The following ATG2A variants were observed in gnomAD, a reference collection of about 807,000 sequenced individuals.
ATG2A encodes autophagy-related protein 2 homolog A.
In ATG2A, 103 loss-of-function variants were observed where a neutral mutation model predicts 214.2. The observed-to-expected ratio is 0.48, with a 90% CI of 0.41 to 0.57. The LOEUF (loss-of-function observed/expected upper bound fraction) is 0.57. ATG2A is among the 20% of genes least tolerant of loss of function. The pLI, the probability that ATG2A is intolerant of heterozygous loss-of-function variation, is 0.00. For synonymous variants in ATG2A, 1,160 were observed against 1,142.1 expected (o/e 1.02, Z -0.32); for missense variants, 2,312 against 2,613.2 (o/e 0.88, Z 2.51).
At position 64,914,549 on chromosome 11, in the gene ATG2A, A is replaced by G; in HGVS notation, c.172-49T>C. The G allele has an allele frequency of 1.9e-6, 3 of 1,586,754 alleles. No homozygotes were observed. In the South Asian group the frequency reaches 3.4e-5, roughly 18 times the overall value. On this transcript the variant is annotated intron_variant, in intron 1 of 40. Transcript: ENST00000377264. ...CCAGCTCAGGGAAACCCCAAATCCC[A>G]CAGGCTGGCACAGCCTTATCTGGCC...
At chr11:64,907,915 C>T in intron 16 of ATG2A, 25 bp from the exon 17 acceptor site, 2 of 1,603,768 alleles carry the variant, frequency 1.2e-6, no homozygotes, top group South Asian at 1.1e-5. Context: ...GTGGAAAGAG[C>T]AGGAGAGTCA....
chr11:64,909,132 G>A lies in ATG2A; in HGVS notation c.2223C>T (p.Asn741=), dbSNP rs768244281. 15 of 1,610,736 alleles carry A rather than the reference G, an allele frequency of 9.3e-6. No individual in the cohort carries two copies. In the East Asian group the frequency reaches 2.9e-4, roughly 31 times the overall value. ...CCCACTGTGTGCTGCTGGACTGGGG[G>A]TTCACAGTCACCACTACCCTGCCGG... ...YFLPQVVVTV[N]PQSSSTQWEV... is the part of the protein sequence containing the mutation. The change falls in exon 16 of 41, where the codon AAC becomes AAT. Residue 741 remains asparagine (N), a synonymous_variant. Transcript: ENST00000377264.
In ATG2A at chr11:64,913,231, G is replaced by C. The variant is rs374956401; in HGVS notation, c.726+35C>G. ...AGGGGCTCAATGGGCTCAAGGGAGA[G>C]GAGACAGGGGCTGTGGGAATCAGAG... On this transcript the variant is annotated intron_variant, in intron 5 of 40. Transcript: ENST00000377264. The surrounding 1 kb of genome is among the most constrained non-coding windows in gnomAD (Gnocchi z 4.3). 9 of 1,612,216 alleles carry C rather than the reference G, an allele frequency of 5.6e-6. No individual in the cohort carries two copies. The highest frequency in any genetic ancestry group is 2.2e-5 in the East Asian group (1 of 44,836).
At chr11:64,900,025 AT>A (rs35952373) in intron 31 of ATG2A, among the ~76,000 whole-genome samples, 98,619 of 119,722 alleles carry the variant, frequency 0.82, 41,658 homozygotes, top group East Asian at 0.98. Context: ...CAAATGGTTA[AT>A]TTTTTTTTTT....
intron 16 of ATG2A, 43 bp downstream of exon 16, chr11:64,908,948 T>C (rs1349537514): frequency 2.6e-6 from 4 of 1,537,716 alleles, no homozygotes; most frequent in Non-Finnish European, 3.5e-6. Context: ...ACCCGGGCGG[T>C]GGGCGGGAGG....
At chr11:64,907,498 C>G in intron 18 of ATG2A, 27 bp downstream of exon 18, 1 of 1,612,210 alleles carries the variant, frequency 6.2e-7, no homozygotes, top group Non-Finnish European at 8.5e-7. Context: ...GGTCCTCCCT[C>G]TAGCCCAGCG....
chr11:64,901,821 C>T (rs1405593046), intron 29 of ATG2A, 141 bp downstream of exon 29: 7 of 935,890 alleles, frequency 7.5e-6, no homozygotes, highest in Admixed American at 2.1e-5. Context: ...GCACCACCCC[C>T]GAGGTGATGG....
chr11:64,901,646 C>T (rs143536212), intron 29 of ATG2A, among the ~76,000 whole-genome samples: 12 of 152,266 alleles, frequency 7.9e-5, no homozygotes, highest in Middle Eastern at 3.4e-3. Context: ...CCCTTGCAGC[C>T]ACATGGTTCT....
rs1944395931 is a variant in ATG2A, at chr11:64,902,609, G to A, written c.3684C>T (p.Ala1228=). Residue 1228 remains alanine, a synonymous_variant, in exon 27 of 41, where the codon GCC becomes GCT. Coordinates refer to ENST00000377264, the MANE Select transcript of ATG2A (RefSeq NM_015104.3). ...VHVHSCADSC[A]LLVNLLQYVM... is the part of the protein sequence containing the mutation. ...CGTACTGGAGCAGGTTGACCAGCAG[G>A]GCACAGGAGTCGGCACAGCTGTGCA... is the stretch of plus-strand genomic sequence containing the variant. The A allele has an allele frequency of 6.2e-7, 1 of 1,610,488 alleles. No individual in the cohort carries two copies.
rs1297372811 is a variant in ATG2A at position 64,898,366 on chromosome 11, G to A, written c.4672-4C>T. 3 of 1,592,490 alleles carry A rather than the reference G, an allele frequency of 1.9e-6. No homozygotes were observed. The South Asian group carries it at 3.4e-5, about 18-fold the overall frequency. On this transcript the variant is annotated splice_region_variant and splice_polypyrimidine_tract_variant and intron_variant, in intron 32 of 40. Coordinates refer to ENST00000377264, the MANE Select transcript of ATG2A (RefSeq NM_015104.3). The surrounding 1 kb of genome is among the most constrained non-coding windows in gnomAD (Gnocchi z 4.5). The stretch of plus-strand genomic sequence containing the variant: ...CATGCAGCGCTTTGATGGTGAGCTG[G>A]GAGCAGAGGGTGAGTTCTGGACACC...
chr11:64,911,747 C>T, intron 9 of ATG2A, 95 bp downstream of exon 9: 5 of 1,522,934 alleles, frequency 3.3e-6, no homozygotes, highest in Non-Finnish European at 4.4e-6. Flanking sequence ...CCAGGCATCG[C>T]TGGGGATTTC....
chr11:64,897,689 G>C lies in ATG2A; in HGVS notation c.5049C>G (p.His1683Gln). The change falls in exon 36 of 41, where the codon CAC becomes CAG. Residue 1683 changes from histidine (H) to glutamine (Q), a missense_variant. Transcript: ENST00000377264. ...CACTTACCACCTGGTCCATCGTGACGTGCTTGCCATGGTAATCCAGCCAGA... is the reference window on the plus strand; with the variant it reads ...CACTTACCACCTGGTCCATCGTGACCTGCTTGCCATGGTAATCCAGCCAGA... ...VPIWLDYHGKHVTMDQVGTFA... is the reference protein window; with the variant it reads ...VPIWLDYHGKQVTMDQVGTFA... 6.2e-7 allele frequency: 1 copy of C among 1,614,232 alleles called. No individual in the cohort carries two copies. Among genetic ancestry groups the C allele is most frequent in the Non-Finnish European group, 8.5e-7 (1 of 1,180,036 alleles).
chr11:64,902,993 A>G (rs1159085625), intron 26 of ATG2A, among the ~76,000 whole-genome samples: 1 of 148,496 alleles, frequency 6.7e-6, no homozygotes, highest in Non-Finnish European at 1.5e-5. Context: ...CTTACAGGAG[A>G]TGAATCCGGG....
In ATG2A at chr11:64,894,884, G is replaced by A. The variant is rs900680651; in HGVS notation, c.*89C>T. ...CTTCACAGTGGCCATCCCCTGAAGG[G>A]CCAGGCCGGGCCGGGCCCGTGGGCT... On this transcript the variant is annotated 3_prime_UTR_variant, in exon 41 of 41. Coordinates refer to ENST00000377264, the MANE Select transcript of ATG2A (RefSeq NM_015104.3). The A allele has an allele frequency of 1.3e-6, 2 of 1,495,600 alleles. No homozygotes were observed. The highest frequency in any genetic ancestry group is 2.8e-5 in the African/African-American group (2 of 72,670). The allele number at this position is 1,495,600 out of a possible 1,614,324, so 92.6% of individuals were successfully genotyped here. A position where few individuals can be genotyped will look rare whatever the true frequency, so the allele number is the denominator to read the frequency against.
chr11:64,895,453 T>C lies in ATG2A; in HGVS notation c.5428-11A>G, dbSNP rs1293471761. ...GGTCTCAGCTGTGGCCTGGGGGACA[T>C]GGGAGCACTGGATGAGGACAGCTGG... On this transcript the variant is annotated splice_polypyrimidine_tract_variant and intron_variant, in intron 39 of 40. Transcript: ENST00000377264. The surrounding 1 kb of genome is among the most constrained non-coding windows in gnomAD (Gnocchi z 5.0). The C allele has an allele frequency of 1.7e-5, 27 of 1,550,968 alleles. No homozygotes were observed. The highest frequency in any genetic ancestry group is 1.9e-5 in the Non-Finnish European group (22 of 1,146,212).
intron 21 of ATG2A, 58 bp from the exon 22 acceptor site, chr11:64,906,251 C>A (rs770365664): frequency 1.9e-5 from 30 of 1,605,306 alleles, no homozygotes; most frequent in Non-Finnish European, 2.5e-5. Context: ...TGCACTGGGG[C>A]CTCACCGCGC....
At position 64,913,941 on chromosome 11, in the gene ATG2A, G is replaced by A. The variant is rs1366514783; in HGVS notation, c.488-18C>T. 9 of 1,612,334 alleles carry A rather than the reference G, an allele frequency of 5.6e-6. No homozygotes were observed. The highest frequency in any genetic ancestry group is 7.6e-6 in the Non-Finnish European group (9 of 1,178,892). ...CCGAAGCACTGAGGAGTTGGGGAGG[G>A]GTCTCAGGTCAGGTAGAGCAGCAAA... On this transcript the variant is annotated intron_variant, in intron 3 of 40. Transcript: ENST00000377264. This position sits in a 1 kb window ranked among gnomAD's most constrained non-coding sequence, Gnocchi z 4.3.
chr11:64,907,382 A>G lies in ATG2A; in HGVS notation c.2705T>C (p.Phe902Ser), dbSNP rs1040329544. 5 of 1,568,804 alleles carry G rather than the reference A, an allele frequency of 3.2e-6. No homozygotes were observed. The African/African-American group carries it at 5.4e-5, about 17-fold the overall frequency. ...TGGGCCACCTGATGCCCCCACTGAGAAGAAGTGGGCATCCTCGTCATCCGA... is the reference window on the plus strand; with the variant it reads ...TGGGCCACCTGATGCCCCCACTGAGGAGAAGTGGGCATCCTCGTCATCCGA... Reference protein sequence around the residue: ...SDSDDEDAHFFSVGASGGPQA... With the variant: ...SDSDDEDAHFSSVGASGGPQA... The change falls in exon 19 of 41, where the codon TTC (phenylalanine) becomes TCC (serine). Residue 902 changes from phenylalanine to serine, a missense_variant. Coordinates refer to ENST00000377264, the MANE Select transcript of ATG2A (RefSeq NM_015104.3).
At chr11:64,900,106 T>C (rs977281809) in intron 31 of ATG2A, among the ~76,000 whole-genome samples, 1 of 150,620 alleles carries the variant, frequency 6.6e-6, no homozygotes, top group Non-Finnish European at 1.5e-5. Context: ...GCTCAGGTGA[T>C]CTGCTCTCTT....
Sources: allele counts gnomAD v4.1 joint callset (sites outside exome capture counted in the v4.1 genomes callset), GRCh38; gene constraint gnomAD v4.1.1; non-coding constraint Gnocchi (gnomAD v3.1); transcripts MANE v1.5; gene names NCBI Gene and HGNC (gene_info 2026-07-23, HGNC 2026-07-21).